Variants in ARPC5 observed in about 807,000 individuals in gnomAD.
ARPC5 encodes actin related protein 2/3 complex subunit 5.
A neutral mutation model predicts 15.4 loss-of-function variants in ARPC5; 5 were observed. That is an observed-to-expected ratio of 0.32 (90% CI 0.17 to 0.68). The LOEUF (loss-of-function observed/expected upper bound fraction) is 0.68. ARPC5 is among the 30% of genes least tolerant of loss of function. ARPC5 has a pLI of 0.71. For missense variants in ARPC5, 138 were observed against 192.8 expected, an observed-to-expected ratio of 0.72 and a Z score of 1.68; for synonymous variants, 85 against 72.2, an observed-to-expected ratio of 1.18 and a Z score of -0.90.
At position 183,623,910 on chromosome 1, in the gene ARPC5, C is replaced by A. The variant is rs1425480188; in HGVS notation, c.*3622G>T. ...CGGTGATGCGTGCCTGTAATCCGAG[C>A]TACTCAGGAGGCTGAGGCAGGAGAA... is the stretch of plus-strand genomic sequence containing the variant. On this transcript the variant is annotated 3_prime_UTR_variant, in exon 4 of 4. Coordinates refer to ENST00000359856, the MANE Select transcript of ARPC5 (RefSeq NM_005717.4). 5.1e-6 allele frequency: 1 copy of A among 194,830 alleles called. No individual in the cohort carries two copies. The highest frequency in any genetic ancestry group is 5.6e-5 in the Admixed American group (1 of 17,934). The allele number at this position is 194,830 out of a possible 1,614,324, so 12.1% of individuals were successfully genotyped here.
chr1:183,630,430 C>A, intron 3 of ARPC5, 31 bp downstream of exon 3: 1 of 1,495,326 alleles, frequency 6.7e-7, no homozygotes, highest in Non-Finnish European at 9.0e-7. Context: ...GTAAAAGAAC[C>A]AGTCATATAG....
At chr1:183,633,194 C>T (rs1649318352) in intron 1 of ARPC5, 40 bp from the exon 2 acceptor site, 1 of 1,453,836 alleles carries the variant, frequency 6.9e-7, no homozygotes, top group Non-Finnish European at 9.4e-7. Flanking sequence ...GGATGGCCCC[C>T]AGGAAAGCAT....
rs1214924128 is a variant in ARPC5 at position 183,627,196 on chromosome 1, C to T, written c.*336G>A. Reference sequence around the variant, plus strand: ...CTCTCAGTATTAGTTAAAAATAATACAAAACAAAACAGAACAAAAAACCAG... The same window carrying T: ...CTCTCAGTATTAGTTAAAAATAATATAAAACAAAACAGAACAAAAAACCAG... On this transcript the variant is annotated 3_prime_UTR_variant, in exon 4 of 4. Coordinates refer to ENST00000359856, the MANE Select transcript of ARPC5 (RefSeq NM_005717.4). The T allele has an allele frequency of 5.1e-6, 1 of 195,452 alleles. No homozygotes were observed. The highest frequency in any genetic ancestry group is 2.3e-5 in the African/African-American group (1 of 42,688). The allele number at this position is 195,452 out of a possible 1,614,324, so 12.1% of individuals were successfully genotyped here.
chr1:183,630,130 A>G (rs1649221267), intron 3 of ARPC5, among the ~76,000 whole-genome samples: 2 of 152,172 alleles, frequency 1.3e-5, no homozygotes, highest in South Asian at 4.1e-4. Context: ...TTCATCTGTT[A>G]TGATCCTTGT....
At chr1:183,627,875 A>T (rs57376540) in intron 3 of ARPC5, among the ~76,000 whole-genome samples, 12,018 of 152,162 alleles carry the variant, frequency 0.079, 925 homozygotes, top group African/African-American at 0.2. Flanking sequence ...ATAATGTTTT[A>T]AAAAATCTGC....
At chr1:183,628,447 G>A (rs1311493002) in intron 3 of ARPC5, among the ~76,000 whole-genome samples, 7 of 152,158 alleles carry the variant, frequency 4.6e-5, no homozygotes, top group Non-Finnish European at 7.3e-5. Context: ...AGGAATCTGA[G>A]CTCTGGTTTC....
Position 183,623,464 on chromosome 1 carries a change from A to T in ARPC5, c.*4068T>A. 1.3e-6 allele frequency: 2 copies of T among 1,550,396 alleles called. No homozygotes were observed. The highest frequency in any genetic ancestry group is 1.7e-6 in the Non-Finnish European group (2 of 1,146,888). ...CCTCCTCCATATCTGGAATCATACAAGAGGCACCTGCACAGAACGTTTTCA... is the reference window on the plus strand; with the variant it reads ...CCTCCTCCATATCTGGAATCATACATGAGGCACCTGCACAGAACGTTTTCA... On this transcript the variant is annotated 3_prime_UTR_variant, in exon 4 of 4. Coordinates refer to ENST00000359856, the MANE Select transcript of ARPC5 (RefSeq NM_005717.4).
chr1:183,629,797 C>A (rs1241002944), intron 3 of ARPC5, among the ~76,000 whole-genome samples: 1 of 152,176 alleles, frequency 6.6e-6, no homozygotes, highest in Non-Finnish European at 1.5e-5. Context: ...ATTATATTCA[C>A]AATGTACTGT....
chr1:183,627,467 T>C lies in ARPC5; in HGVS notation c.*65A>G, dbSNP rs1649139021. ...CTACCCACAGGGCAGCGGTGGCATT[T>C]GGTTGTTTTGGTCTTTGTACCAGCA... On this transcript the variant is annotated 3_prime_UTR_variant, in exon 4 of 4. Transcript: ENST00000359856. 1.4e-6 allele frequency: 2 copies of C among 1,383,570 alleles called. No individual in the cohort carries two copies. The highest frequency in any genetic ancestry group is 3.4e-5 in the Admixed American group (2 of 59,614). The allele number at this position is 1,383,570 out of a possible 1,614,324, so 85.7% of individuals were successfully genotyped here. A position where few individuals can be genotyped will look rare whatever the true frequency, so the allele number is the denominator to read the frequency against.
At chr1:183,630,391 G>A in intron 3 of ARPC5, 70 bp downstream of exon 3, 1 of 1,240,568 alleles carries the variant, frequency 8.1e-7, no homozygotes, top group Non-Finnish European at 1.1e-6. Context: ...TTATTTAGGT[G>A]AGAGAGGTTG....
chr1:183,631,747 G>C (rs939718591), intron 2 of ARPC5: 11 of 152,118 alleles, frequency 7.2e-5, no homozygotes, highest in African/African-American at 2.7e-4. Flanking sequence ...TATATGAATT[G>C]ACTGTAGATA....
At chr1:183,632,855 G>T (rs1275947965) in intron 2 of ARPC5, 2 of 364,728 alleles carry the variant, frequency 5.5e-6, no homozygotes, top group African/African-American at 2.1e-5. Context: ...ACACACAAAT[G>T]ATTTCACTAT....
intron 2 of ARPC5, chr1:183,630,847 C>A: frequency 2.1e-6 from 1 of 465,240 alleles, no homozygotes; most frequent in South Asian, 4.7e-5. Flanking sequence ...AGAAAAAAAC[C>A]CAATGTGGTT....
chr1:183,630,884 G>A (rs1452545038), intron 2 of ARPC5: 7 of 397,072 alleles, frequency 1.8e-5, no homozygotes, highest in Middle Eastern at 6.4e-4. Context: ...AGAAAAGCAC[G>A]TGAGTAAGTC....
chr1:183,626,959 G>A lies in ARPC5; in HGVS notation c.*573C>T, dbSNP rs1649120080. The A allele has an allele frequency of 6.5e-6, 1 of 153,286 alleles. No homozygotes were observed. The highest frequency in any genetic ancestry group is 1.5e-5 in the Non-Finnish European group (1 of 68,594). 9.5% of individuals were successfully genotyped at this position (153,286 alleles called of 1,614,324 possible). On this transcript the variant is annotated 3_prime_UTR_variant, in exon 4 of 4. Coordinates refer to ENST00000359856, the MANE Select transcript of ARPC5 (RefSeq NM_005717.4). ...AGAAAGTAGCATACTTAAACCCACA[G>A]TACAGATAATCAGGAGGCAAGCAAA...
In ARPC5 at chr1:183,635,775, T is replaced by C; in HGVS notation, c.-116A>G. The C allele has an allele frequency of 7.2e-7, 1 of 1,384,110 alleles. No homozygotes were observed. Among genetic ancestry groups the C allele is most frequent in the Non-Finnish European group, 9.7e-7 (1 of 1,030,430 alleles). 85.7% of individuals were successfully genotyped at this position (1,384,110 alleles called of 1,614,324 possible). On this transcript the variant is annotated 5_prime_UTR_variant, in exon 1 of 4. Coordinates refer to ENST00000359856, the MANE Select transcript of ARPC5 (RefSeq NM_005717.4). ...CACTTCCCTCTTCCGCTCTGAGGCGTCGCCGACTGCCGCGGCTCGGACCGT... is the reference window on the plus strand; with the variant it reads ...CACTTCCCTCTTCCGCTCTGAGGCGCCGCCGACTGCCGCGGCTCGGACCGT...
At position 183,635,688 on chromosome 1, in the gene ARPC5, T is replaced by C. The variant is rs767924089; in HGVS notation, c.-29A>G. The C allele has an allele frequency of 1.7e-5, 27 of 1,603,376 alleles. No homozygotes were observed. Among genetic ancestry groups the C allele is most frequent in the South Asian group, 1.3e-4 (12 of 89,582 alleles). ...AATCCCGACCAGCGGCAAAGGCCTC[T>C]TCTTGGCGCTGCCTCTACCTCAGCA... is the stretch of plus-strand genomic sequence containing the variant. On this transcript the variant is annotated 5_prime_UTR_variant, in exon 1 of 4. Transcript: ENST00000359856.
rs575641047 is a variant in ARPC5 at position 183,624,757 on chromosome 1, T to C, written c.*2775A>G. ...ACTGCATTTACAGTCAAATGCTAAATTGTATGACGTTAATTCTCTTTTTTT... is the reference window on the plus strand; with the variant it reads ...ACTGCATTTACAGTCAAATGCTAAACTGTATGACGTTAATTCTCTTTTTTT... On this transcript the variant is annotated 3_prime_UTR_variant, in exon 4 of 4. Coordinates refer to ENST00000359856, the MANE Select transcript of ARPC5 (RefSeq NM_005717.4). 2 of 152,360 alleles carry C rather than the reference T, an allele frequency of 1.3e-5. No homozygotes were observed. Among genetic ancestry groups the C allele is most frequent in the East Asian group, 1.9e-4 (1 of 5,194 alleles). 9.4% of individuals were successfully genotyped at this position (152,360 alleles called of 1,614,324 possible).
Position 183,621,425 on chromosome 1 carries a change from T to C in ARPC5, c.*6107A>G, listed in dbSNP as rs1648931408. ...AAGTAAATTATGGTACATTTATTTA[T>C]ATAATAGAATTATTATGCAGTCATA... On this transcript the variant is annotated 3_prime_UTR_variant, in exon 4 of 4. Coordinates refer to ENST00000359856, the MANE Select transcript of ARPC5 (RefSeq NM_005717.4). 6.6e-6 allele frequency: 1 copy of C among 152,272 alleles called. No individual in the cohort carries two copies. The highest frequency in any genetic ancestry group is 6.5e-5 in the Admixed American group (1 of 15,284). 9.4% of individuals were successfully genotyped at this position (152,272 alleles called of 1,614,324 possible).
Sources: allele counts gnomAD v4.1 joint callset (sites outside exome capture counted in the v4.1 genomes callset), GRCh38; gene constraint gnomAD v4.1.1; transcripts MANE v1.5; gene names NCBI Gene and HGNC (gene_info 2026-07-23, HGNC 2026-07-21).